The following DNAH6 variants were observed in gnomAD, a reference collection of about 807,000 sequenced individuals.
The protein encoded by DNAH6 is axonemal beta dynein heavy chain 6.
DNAH6 carries 340 observed loss-of-function variants against 491.4 expected under a neutral mutation model. The ratio of observed to expected loss-of-function variants is 0.69; its 90% CI spans 0.63 to 0.76. DNAH6 has a LOEUF of 0.76. Ranked by LOEUF, DNAH6 falls within the 30% of genes least tolerant of loss-of-function variation. The pLI is 0.00. For missense variants in DNAH6, 4,443 were observed against 4,972.2 expected (o/e 0.89, Z 3.20); for synonymous variants, 1,603 against 1,686.1 (o/e 0.95, Z 1.21).
chr2:84,537,092 G>A (rs1677766985), intron 4 of DNAH6, among the ~76,000 whole-genome samples: 1 of 151,986 alleles, frequency 6.6e-6, no homozygotes, highest in South Asian at 2.1e-4. Flanking sequence ...TGTGCTAGAG[G>A]ATTGTAGAAT....
chr2:84,784,766 C>T lies in DNAH6; in HGVS notation c.10909C>T (p.Pro3637Ser). 1 of 1,550,476 alleles carries T rather than the reference C, an allele frequency of 6.4e-7. No individual in the cohort carries two copies. Among genetic ancestry groups the T allele is most frequent in the South Asian group, 1.2e-5 (1 of 84,026 alleles). ...DTFRLFLSSM[P>S]SNTFPVTVLQ... The stretch of plus-strand genomic sequence containing the variant: ...TTTTCGACTTTTTTTAAGCTCCATG[C>T]CTAGTAATACATTTCCTGTTACAGT... The change falls in exon 66 of 77, where the codon CCT becomes TCT. Residue 3637 changes from proline to serine, a missense_variant. Around this residue, in one of 3 missense-constraint regions of DNAH6, gnomAD observed 1,463 missense variants for 1,656.6 expected, o/e 0.88. Coordinates refer to ENST00000389394, the MANE Select transcript of DNAH6 (RefSeq NM_001370.2).
intron 20 of DNAH6, among the ~76,000 whole-genome samples, chr2:84,605,851 A>G (rs1685706379): frequency 6.6e-6 from 1 of 152,232 alleles, no homozygotes. Flanking sequence ...AGAAAAACAA[A>G]GAGAACAGTT....
At chr2:84,678,238 G>A (rs1227667714) in intron 41 of DNAH6, among the ~76,000 whole-genome samples, 7 of 152,088 alleles carry the variant, frequency 4.6e-5, no homozygotes, top group East Asian at 3.9e-4. Flanking sequence ...AAAAACTTTC[G>A]GAGAGTGCTT....
At chr2:84,582,817 T>C (rs1277423950) in intron 14 of DNAH6, among the ~76,000 whole-genome samples, 2 of 152,198 alleles carry the variant, frequency 1.3e-5, no homozygotes, top group East Asian at 3.8e-4. Context: ...TGAGAACTAT[T>C]TCTCTAAAAG....
At chr2:84,549,391 C>G (rs1443140423) in intron 8 of DNAH6, among the ~76,000 whole-genome samples, 2 of 152,168 alleles carry the variant, frequency 1.3e-5, no homozygotes, top group Non-Finnish European at 2.9e-5. Context: ...TTCTAAATGT[C>G]TTGCTGACTC....
chr2:84,544,989 G>A (rs945456522), intron 5 of DNAH6, among the ~76,000 whole-genome samples: 4 of 152,064 alleles, frequency 2.6e-5, no homozygotes, highest in Admixed American at 2.0e-4. Flanking sequence ...TTGGACAACA[G>A]GGTGATCATG....
At chr2:84,749,024 G>C (rs1221491464) in intron 63 of DNAH6, among the ~76,000 whole-genome samples, 1 of 152,126 alleles carries the variant, frequency 6.6e-6, no homozygotes, top group Non-Finnish European at 1.5e-5. Flanking sequence ...GCTCTTATAT[G>C]AACTAATAGA....
At chr2:84,735,998 T>G (rs1036290154) in intron 62 of DNAH6, among the ~76,000 whole-genome samples, 9 of 152,200 alleles carry the variant, frequency 5.9e-5, no homozygotes, top group Non-Finnish European at 1.0e-4. Context: ...TTTCATAGTT[T>G]GAGGTTTTTC....
the DNAH6 span, among the ~76,000 whole-genome samples, chr2:84,493,978 A>G: frequency 6.6e-6 from 1 of 152,234 alleles, no homozygotes; most frequent in Non-Finnish European, 1.5e-5. Flanking sequence ...AGGCCACAGT[A>G]AGAACAGGAG....
chr2:84,513,351 G>A (rs577279925), upstream of DNAH6, among the ~76,000 whole-genome samples: 73 of 151,908 alleles, frequency 4.8e-4, no homozygotes, highest in Non-Finnish European at 7.8e-4. Flanking sequence ...GTATTTGTTT[G>A]TTGCTGACTT....
At chr2:84,542,317 A>G (rs956009220) in intron 4 of DNAH6, among the ~76,000 whole-genome samples, 1 of 152,198 alleles carries the variant, frequency 6.6e-6, no homozygotes, top group African/African-American at 2.4e-5. Flanking sequence ...CATTTTAGAG[A>G]GAATCACCCC....
At position 84,760,767 on chromosome 2, in the gene DNAH6, G is replaced by A. The variant is rs546371411; in HGVS notation, c.10513-1988G>A. The stretch of plus-strand genomic sequence containing the variant: ...AGTATTTAAAAAAATTTTTTTTGAG[G>A]CATGATCTCACTCTGTCACCCAGGC... On this transcript the variant is annotated intron_variant, in intron 63 of 76. Coordinates refer to ENST00000389394, the MANE Select transcript of DNAH6 (RefSeq NM_001370.2). Among the ~76,000 whole-genome samples, 5 of 152,066 alleles carry A rather than the reference G, an allele frequency of 3.3e-5. No homozygotes were observed. The East Asian group carries it at 9.7e-4, about 29-fold the overall frequency.
chr2:84,708,764 A>G (rs1696762480), intron 54 of DNAH6, among the ~76,000 whole-genome samples: 1 of 152,214 alleles, frequency 6.6e-6, no homozygotes, highest in African/African-American at 2.4e-5. Context: ...ATGTCTTCCT[A>G]AAAATGTTTA....
chr2:84,548,386 A>G lies in DNAH6; in HGVS notation c.1285A>G (p.Ser429Gly). The G allele has an allele frequency of 6.2e-7, 1 of 1,614,008 alleles. No homozygotes were observed. Among genetic ancestry groups the G allele is most frequent in the Non-Finnish European group, 8.5e-7 (1 of 1,179,958 alleles). Reference protein sequence around the residue: ...SEKMTYTEQASKRHYCMRLTC... With the variant: ...SEKMTYTEQAGKRHYCMRLTC... ...GAAAATGACATATACAGAACAGGCC[A>G]GCAAAAGGCATTATTGCATGAGGCT... The change falls in exon 8 of 77, where the codon AGC becomes GGC. Residue 429 changes from serine (S) to glycine (G), a missense_variant. Physicochemically the swap from Ser to Gly is moderately conservative, Grantham distance 56. Around this residue, in one of 3 missense-constraint regions of DNAH6, gnomAD observed 2,977 missense variants for 3,296.6 expected, o/e 0.90. Coordinates refer to ENST00000389394, the MANE Select transcript of DNAH6 (RefSeq NM_001370.2).
At chr2:84,579,711 C>T (rs762552639) in intron 14 of DNAH6, 32 bp downstream of exon 14, 5 of 1,508,268 alleles carry the variant, frequency 3.3e-6, no homozygotes, top group Non-Finnish European at 4.4e-6. Context: ...ACTCAATATT[C>T]CAGATCTTAT....
At chr2:84,703,606 A>C in intron 50 of DNAH6, 44 bp downstream of exon 50, 1 of 1,489,652 alleles carries the variant, frequency 6.7e-7, no homozygotes, top group Non-Finnish European at 9.0e-7. Flanking sequence ...TTCTGTCAGC[A>C]ACTGATCACT....
Position 84,722,610 on chromosome 2 carries a change from T to C in DNAH6, c.9793-15T>C, listed in dbSNP as rs2104933571. The C allele has an allele frequency of 6.5e-6, 10 of 1,532,478 alleles. No homozygotes were observed. Among genetic ancestry groups the C allele is most frequent in the Non-Finnish European group, 7.9e-6 (9 of 1,140,030 alleles). The allele number at this position is 1,532,478 out of a possible 1,614,324, so 94.9% of individuals were successfully genotyped here. A position where few individuals can be genotyped will look rare whatever the true frequency, so the allele number is the denominator to read the frequency against. ...GAACAGATCCCTAAGAACTTGTTAT[T>C]GTATGTTTATTCAGATCACTTCTGG... On this transcript the variant is annotated splice_polypyrimidine_tract_variant and intron_variant, in intron 59 of 76. Coordinates refer to ENST00000389394, the MANE Select transcript of DNAH6 (RefSeq NM_001370.2).
chr2:84,588,896 T>C lies in DNAH6; in HGVS notation c.2552T>C (p.Val851Ala), dbSNP rs767705924. 5 of 1,550,736 alleles carry C rather than the reference T, an allele frequency of 3.2e-6. No homozygotes were observed. In the South Asian group the frequency reaches 3.6e-5, roughly 11 times the overall value. The stretch of plus-strand genomic sequence containing the variant: ...CTCATATTGAATAATCTGCAATCTG[T>C]TCTGGCTGATCTTCAGAAACGTGCA... ...IRLILNNLQS[V>A]LADLQKRAFQ... is the part of the protein sequence containing the mutation. The change falls in exon 16 of 77, where the codon GTT (valine) becomes GCT (alanine). Residue 851 changes from valine (V) to alanine (A), a missense_variant. By Grantham distance (64) the Val-to-Ala change is moderately conservative. Around this residue, in one of 3 missense-constraint regions of DNAH6, gnomAD observed 2,977 missense variants for 3,296.6 expected, o/e 0.90. Coordinates refer to ENST00000389394, the MANE Select transcript of DNAH6 (RefSeq NM_001370.2).
chr2:84,512,636 C>G (rs989692714), upstream of DNAH6, among the ~76,000 whole-genome samples: 1 of 152,148 alleles, frequency 6.6e-6, no homozygotes, highest in African/African-American at 2.4e-5. Flanking sequence ...GTCTATTTCT[C>G]CCTTCGATTC....
Sources: gnomAD v4.1 joint callset for allele counts (sites outside exome capture counted in the v4.1 genomes callset) on GRCh38, gnomAD v4.1.1 for gene constraint, gnomAD v4.1.1 regional missense constraint, MANE v1.5 for transcripts, NCBI Gene and HGNC (gene_info 2026-07-23, HGNC 2026-07-21) for gene names.